AGAP1: variants seen among roughly 807,000 people sequenced by gnomAD.
AGAP1 encodes ArfGAP with GTPase domain, ankyrin repeat and PH domain 1.
AGAP1 carries 29 observed loss-of-function variants against 105.3 expected under a neutral mutation model. The observed-to-expected ratio is 0.28, with a 90% CI of 0.21 to 0.38. The LOEUF (loss-of-function observed/expected upper bound fraction) is 0.38, where lower values mean the gene tolerates loss of function less well. Ranked by LOEUF, AGAP1 falls within the 10% of genes least tolerant of loss-of-function variation. The probability of loss-of-function intolerance (pLI) is 1.00; values close to 1 mark genes in which losing one functional copy is unlikely to be tolerated. For missense variants in AGAP1, 998 were observed against 1,165.1 expected, an observed-to-expected ratio of 0.86 and a Z score of 2.09; for synonymous variants, 509 against 485.9, an observed-to-expected ratio of 1.05 and a Z score of -0.63.
At chr2:235,675,732 G>A (rs1376936519) in intron 1 of AGAP1, among the ~76,000 whole-genome samples, 1 of 152,178 alleles carries the variant, frequency 6.6e-6, no homozygotes, top group Non-Finnish European at 1.5e-5. Flanking sequence ...AGGAAGAGCT[G>A]TGCTGAACGT....
At chr2:235,897,226 G>A (rs1023078310) in intron 10 of AGAP1, among the ~76,000 whole-genome samples, 1 of 152,088 alleles carries the variant, frequency 6.6e-6, no homozygotes, top group African/African-American at 2.4e-5. Flanking sequence ...TGTTGGTAGG[G>A]ACAGGGTTTT....
At position 236,005,103 on chromosome 2, in the gene AGAP1, C is replaced by G. The variant is rs2056273048; in HGVS notation, c.1646-31458C>G. Among the ~76,000 whole-genome samples, 1 of 151,646 alleles carries G rather than the reference C, an allele frequency of 6.6e-6. No individual in the cohort carries two copies. The highest frequency in any genetic ancestry group is 2.4e-5 in the African/African-American group (1 of 41,200). On this transcript the variant is annotated intron_variant, in intron 13 of 17. Transcript: ENST00000304032. The surrounding 1 kb of genome is among the most constrained non-coding windows in gnomAD (Gnocchi z 4.1). ...TCCCATAGGCTTCCCACCACTTCCC[C>G]CTGACAAGTTTCCCATGTTTTTTGT... is the stretch of plus-strand genomic sequence containing the variant.
In AGAP1 at chr2:235,789,237, G is replaced by A. The variant is rs1027973228; in HGVS notation, c.674-8522G>A. ...ATGTTCTTTCCCCTTTTCTCTGAAA[G>A]GAAAAGGGAAATCCCGCTGCCCTAG... is the stretch of plus-strand genomic sequence containing the variant. On this transcript the variant is annotated intron_variant, in intron 6 of 17. Coordinates refer to ENST00000304032, the MANE Select transcript of AGAP1 (RefSeq NM_001037131.3). This position sits in a 1 kb window ranked among gnomAD's most constrained non-coding sequence, Gnocchi z 4.2. Among the ~76,000 whole-genome samples, 33 of 152,296 alleles carry A rather than the reference G, an allele frequency of 2.2e-4. No homozygotes were observed. Among genetic ancestry groups the A allele is most frequent in the African/African-American group, 7.9e-4 (33 of 41,554 alleles).
chr2:235,889,571 G>A lies in AGAP1; in HGVS notation c.1155+6122G>A, dbSNP rs1268430264. Among the ~76,000 whole-genome samples the A allele has an allele frequency of 6.9e-6, 1 of 144,418 alleles. No individual in the cohort carries two copies. Among genetic ancestry groups the A allele is most frequent in the Middle Eastern group, 3.3e-3 (1 of 306 alleles). The allele number at this position is 144,418 out of a possible 152,430, so 94.7% of individuals were successfully genotyped here. On this transcript the variant is annotated intron_variant, in intron 10 of 17. Transcript: ENST00000304032. This position sits in a 1 kb window ranked among gnomAD's most constrained non-coding sequence, Gnocchi z 4.6. Reference sequence around the variant, plus strand: ...CTTTTTTTTTTTTTTTTAGCCCTGAGCCCCAAGCTCAGTCCTTACATAGAT... The same window carrying A: ...CTTTTTTTTTTTTTTTTAGCCCTGAACCCCAAGCTCAGTCCTTACATAGAT...
Position 235,630,453 on chromosome 2 carries a change from C to T in AGAP1, c.164-78726C>T, listed in dbSNP as rs192567588. ...CTCGAACTCCTGACCTCAGGTGATC[C>T]ACCTGCCTCGGCCTCCCAAAGTGCT... On this transcript the variant is annotated intron_variant, in intron 1 of 17. Transcript: ENST00000304032. Among the ~76,000 whole-genome samples the T allele has an allele frequency of 7.4e-4, 113 of 152,274 alleles. 1 individual carries two copies. The highest frequency in any genetic ancestry group is 7.3e-3 in the East Asian group (38 of 5,172).
chr2:235,876,761 C>T (rs1421793026), intron 9 of AGAP1, among the ~76,000 whole-genome samples: 1 of 152,146 alleles, frequency 6.6e-6, no homozygotes, highest in Non-Finnish European at 1.5e-5. Context: ...TGCCTGCCTT[C>T]CTTCTCCTCT....
At chr2:235,718,664 A>G (rs949674947) in intron 3 of AGAP1, among the ~76,000 whole-genome samples, 1 of 152,228 alleles carries the variant, frequency 6.6e-6, no homozygotes, top group Non-Finnish European at 1.5e-5. Flanking sequence ...TCGGAGAAGT[A>G]TAAAAGTGGC....
At chr2:235,641,221 A>C (rs566732663) in intron 1 of AGAP1, among the ~76,000 whole-genome samples, 1 of 152,266 alleles carries the variant, frequency 6.6e-6, no homozygotes, top group Non-Finnish European at 1.5e-5. Flanking sequence ...TAAAAAAATT[A>C]CCCTCTAATG....
chr2:236,122,103 C>T (rs565745309), intron 17 of AGAP1, among the ~76,000 whole-genome samples: 50 of 151,208 alleles, frequency 3.3e-4, no homozygotes, highest in African/African-American at 1.2e-3. Context: ...AGGCATGCCA[C>T]CCCCATGAAT....
Position 236,083,928 on chromosome 2 carries a change from T to C in AGAP1, c.2114+34647T>C, listed in dbSNP as rs549032999. Among the ~76,000 whole-genome samples the C allele has an allele frequency of 6.0e-4, 92 of 152,248 alleles. No individual in the cohort carries two copies. The highest frequency in any genetic ancestry group is 2.1e-3 in the African/African-American group (87 of 41,540). The stretch of plus-strand genomic sequence containing the variant: ...ACACATACACACACAGGCACACATA[T>C]GCACACACCAAGGTTCTAGATGAGA... On this transcript the variant is annotated intron_variant, in intron 16 of 17. Transcript: ENST00000304032. This position sits in a 1 kb window ranked among gnomAD's most constrained non-coding sequence, Gnocchi z 5.3.
chr2:236,034,006 C>A (rs751115493), intron 13 of AGAP1, among the ~76,000 whole-genome samples: 19 of 152,186 alleles, frequency 1.2e-4, no homozygotes, highest in Admixed American at 4.6e-4. Context: ...GAAAAATTGT[C>A]ACATCCCACC....
At chr2:235,863,906 C>T (rs1341261414) in intron 9 of AGAP1, among the ~76,000 whole-genome samples, 1 of 152,156 alleles carries the variant, frequency 6.6e-6, no homozygotes, top group Non-Finnish European at 1.5e-5. Flanking sequence ...AAAAGAGAAA[C>T]TAGAGGGAAC....
At chr2:236,006,352 G>T (rs1209033679) in intron 13 of AGAP1, among the ~76,000 whole-genome samples, 1 of 152,174 alleles carries the variant, frequency 6.6e-6, no homozygotes, top group Non-Finnish European at 1.5e-5. Flanking sequence ...ACTGGAGAAT[G>T]GTATTAGAAA....
chr2:235,691,063 G>T lies in AGAP1; in HGVS notation c.164-18116G>T, dbSNP rs1040852462. Among the ~76,000 whole-genome samples, 1 of 152,110 alleles carries T rather than the reference G, an allele frequency of 6.6e-6. No individual in the cohort carries two copies. The highest frequency in any genetic ancestry group is 2.4e-5 in the African/African-American group (1 of 41,414). On this transcript the variant is annotated intron_variant, in intron 1 of 17. Transcript: ENST00000304032. The surrounding 1 kb of genome is among the most constrained non-coding windows in gnomAD (Gnocchi z 4.4). ...GTGTGCCTAGAGTGCCAAGGTGGGG[G>T]TTGTAGACAAGATTCTACCCCCTCC...
intron 1 of AGAP1, among the ~76,000 whole-genome samples, chr2:235,627,159 G>A (rs1263986681): frequency 7.0e-6 from 1 of 143,078 alleles, no homozygotes; most frequent in African/African-American, 2.6e-5. Context: ...ATTGTCCCCT[G>A]CTTTTCCTGT....
In AGAP1 at chr2:235,928,368, G is replaced by A. The variant is rs549000068; in HGVS notation, c.1325-2397G>A. 9.1e-4 allele frequency among the ~76,000 whole-genome samples: 139 copies of A among 152,262 alleles called. 1 individual carries two copies. The Middle Eastern group carries it at 0.017, about 19-fold the overall frequency. On this transcript the variant is annotated intron_variant, in intron 11 of 17. Coordinates refer to ENST00000304032, the MANE Select transcript of AGAP1 (RefSeq NM_001037131.3). Reference sequence around the variant, plus strand: ...GCACACAGGACAGTGCAGGCACCAGGGCTGGCAGAAATGCACCAGGACAAC... The same window carrying A: ...GCACACAGGACAGTGCAGGCACCAGAGCTGGCAGAAATGCACCAGGACAAC...
chr2:235,838,701 G>A (rs1401823454), intron 9 of AGAP1, among the ~76,000 whole-genome samples: 1 of 152,226 alleles, frequency 6.6e-6, no homozygotes, highest in African/African-American at 2.4e-5. Context: ...ACTGTACTAG[G>A]TATGCACTAG....
chr2:235,663,977 G>C lies in AGAP1; in HGVS notation c.164-45202G>C, dbSNP rs1157846657. ...CTCCAGGGCTGCTTTGAGGCTGTCT[G>C]ATAGACAGCTGCAGTGTTGTGTGTT... On this transcript the variant is annotated intron_variant, in intron 1 of 17. Transcript: ENST00000304032. The surrounding 1 kb of genome is among the most constrained non-coding windows in gnomAD (Gnocchi z 5.4). Among the ~76,000 whole-genome samples the C allele has an allele frequency of 6.6e-6, 1 of 152,138 alleles. No individual in the cohort carries two copies. The highest frequency in any genetic ancestry group is 1.5e-5 in the Non-Finnish European group (1 of 68,022).
intron 13 of AGAP1, among the ~76,000 whole-genome samples, chr2:236,007,797 C>T (rs1016587463): frequency 6.6e-6 from 1 of 152,178 alleles, no homozygotes; most frequent in Non-Finnish European, 1.5e-5. Context: ...CTTCCCCTCT[C>T]GGCATCACCA....
Sources: gnomAD v4.1 joint callset for allele counts (sites outside exome capture counted in the v4.1 genomes callset) on GRCh38, gnomAD v4.1.1 for gene constraint, Gnocchi (gnomAD v3.1) non-coding constraint, MANE v1.5 for transcripts, NCBI Gene and HGNC (gene_info 2026-07-23, HGNC 2026-07-21) for gene names.